KCNMB2: variants seen among roughly 807,000 people sequenced by gnomAD.
KCNMB2 encodes the protein potassium calcium-activated channel subfamily M regulatory beta subunit 2, also known as calcium-activated potassium channel subunit beta-2.
KCNMB2 carries 9 observed loss-of-function variants against 24.5 expected under a neutral mutation model. The observed-to-expected ratio is 0.37, with a 90% CI of 0.22 to 0.64. The LOEUF (loss-of-function observed/expected upper bound fraction) is 0.64. Among genes scored for constraint, KCNMB2 ranks in the 30% least tolerant of loss-of-function variants. The probability of loss-of-function intolerance (pLI) is 0.63; values close to 1 mark genes in which losing one functional copy is unlikely to be tolerated. For missense variants in KCNMB2, 226 were observed against 284.3 expected (o/e 0.79, Z 1.47); for synonymous variants, 109 against 104.4 (o/e 1.04, Z -0.27).
chr3:178,606,327 C>A (rs1478668304), intron 1 of KCNMB2, among the ~76,000 whole-genome samples: 1 of 152,120 alleles, frequency 6.6e-6, no homozygotes, highest in Non-Finnish European at 1.5e-5. Context: ...GCTGTGGGTC[C>A]ATAGAGAGGT....
intron 1 of KCNMB2, among the ~76,000 whole-genome samples, chr3:178,660,727 T>C (rs1352929790): frequency 6.6e-6 from 1 of 152,172 alleles, no homozygotes; most frequent in Non-Finnish European, 1.5e-5. Flanking sequence ...TAAAATGACT[T>C]GCTCAGGGTC....
At chr3:178,616,842 A>G (rs920030102) in intron 1 of KCNMB2, among the ~76,000 whole-genome samples, 1 of 152,162 alleles carries the variant, frequency 6.6e-6, no homozygotes, top group African/African-American at 2.4e-5. Flanking sequence ...GATTCATACC[A>G]AATCATTTGT....
At chr3:178,748,112 A>AT (rs34695713) in intron 1 of KCNMB2, among the ~76,000 whole-genome samples, 18,098 of 152,230 alleles carry the variant, frequency 0.12, 1,167 homozygotes, top group Non-Finnish European at 0.14. Flanking sequence ...TGAACGTTCC[A>AT]TATTTTCTCT....
At chr3:178,540,091 G>A (rs770379771) in intron 1 of KCNMB2, among the ~76,000 whole-genome samples, 7 of 152,020 alleles carry the variant, frequency 4.6e-5, no homozygotes, top group African/African-American at 7.2e-5. Flanking sequence ...ATCAAAGTTC[G>A]GAATTCCACA....
At chr3:178,782,450 C>G (rs1412703611) in intron 1 of KCNMB2, among the ~76,000 whole-genome samples, 3 of 152,052 alleles carry the variant, frequency 2.0e-5, no homozygotes, top group Admixed American at 2.0e-4. Flanking sequence ...TCTCCAGCAC[C>G]TGTTGTTTCC....
chr3:178,625,097 TC>T (rs1318412223), intron 1 of KCNMB2, among the ~76,000 whole-genome samples: 3 of 151,846 alleles, frequency 2.0e-5, no homozygotes, highest in Admixed American at 1.3e-4. Flanking sequence ...AGGGGTTTCC[TC>T]CCTTGCACCC....
intron 1 of KCNMB2, among the ~76,000 whole-genome samples, chr3:178,578,686 T>C (rs973382643): frequency 4.6e-5 from 7 of 152,220 alleles, no homozygotes; most frequent in African/African-American, 1.7e-4. Flanking sequence ...GAGGAATATT[T>C]ACTAACCAAA....
chr3:178,618,439 C>T (rs1236881036), intron 1 of KCNMB2, among the ~76,000 whole-genome samples: 1 of 152,204 alleles, frequency 6.6e-6, no homozygotes, highest in Non-Finnish European at 1.5e-5. Flanking sequence ...TCTCTGTCTT[C>T]ACCCTATTTC....
At chr3:178,817,227 A>ATATATATATATATATACATATAT (rs1408060884) in intron 2 of KCNMB2, among the ~76,000 whole-genome samples, 1 of 148,308 alleles carries the variant, frequency 6.7e-6, no homozygotes, top group Non-Finnish European at 1.5e-5. Context: ...ATATATATAT[A>ATATATATATATATATACATATAT]AATGAAGTGT....
intron 1 of KCNMB2, among the ~76,000 whole-genome samples, chr3:178,547,409 A>G (rs1288578388): frequency 6.6e-6 from 1 of 152,242 alleles, no homozygotes; most frequent in Non-Finnish European, 1.5e-5. Context: ...GATGTCAAAG[A>G]TAACGCTATA....
chr3:178,633,555 G>C (rs560114019), intron 1 of KCNMB2, among the ~76,000 whole-genome samples: 14 of 152,198 alleles, frequency 9.2e-5, no homozygotes, highest in Non-Finnish European at 1.9e-4. Context: ...TGGGATGTGG[G>C]GCACCAAGGC....
At chr3:178,792,980 G>A (rs1713385386) in intron 1 of KCNMB2, among the ~76,000 whole-genome samples, 1 of 152,162 alleles carries the variant, frequency 6.6e-6, no homozygotes, top group Non-Finnish European at 1.5e-5. Context: ...CTTGGAGCCT[G>A]TACTGTCACT....
chr3:178,807,508 C>G, intron 2 of KCNMB2, 43 bp downstream of exon 2: 1 of 1,520,600 alleles, frequency 6.6e-7, no homozygotes, highest in Non-Finnish European at 9.1e-7. Flanking sequence ...AAGCATTTAA[C>G]CTGACTCTCC....
At chr3:178,798,696 G>A (rs1330637254) in intron 1 of KCNMB2, among the ~76,000 whole-genome samples, 1 of 151,990 alleles carries the variant, frequency 6.6e-6, no homozygotes, top group Non-Finnish European at 1.5e-5. Flanking sequence ...GACACAGGGA[G>A]GGGAACTACA....
chr3:178,751,994 C>G (rs1723867532), intron 1 of KCNMB2, among the ~76,000 whole-genome samples: 3 of 152,164 alleles, frequency 2.0e-5, no homozygotes, highest in African/African-American at 7.2e-5. Context: ...AAGTTAACAC[C>G]CCAAATACAG....
At chr3:178,793,417 GAT>G (rs1713400978) in intron 1 of KCNMB2, among the ~76,000 whole-genome samples, 1 of 151,490 alleles carries the variant, frequency 6.6e-6, no homozygotes, top group Non-Finnish European at 1.5e-5. Flanking sequence ...AAAATGATAA[GAT>G]AAAGTTTCTC....
intron 1 of KCNMB2, among the ~76,000 whole-genome samples, chr3:178,683,473 A>G (rs1196019045): frequency 4.6e-5 from 7 of 152,154 alleles, no homozygotes; most frequent in Admixed American, 3.9e-4. Flanking sequence ...CACTGAATCT[A>G]GGATAAAAGT....
chr3:178,604,399 G>A (rs1257003500), intron 1 of KCNMB2, among the ~76,000 whole-genome samples: 2 of 75,520 alleles, frequency 2.6e-5, no homozygotes, highest in Non-Finnish European at 4.7e-5. Flanking sequence ...AATTGAAGTG[G>A]TTTAAAAAAA....
intron 1 of KCNMB2, among the ~76,000 whole-genome samples, chr3:178,560,300 CAAGT>C (rs1259766409): frequency 6.6e-6 from 1 of 151,968 alleles, no homozygotes; most frequent in South Asian, 2.1e-4. Flanking sequence ...GATGAGAACC[CAAGT>C]AATTGACATC....
Sources: gnomAD v4.1 joint callset for allele counts (sites outside exome capture counted in the v4.1 genomes callset) on GRCh38, gnomAD v4.1.1 for gene constraint, MANE v1.5 for transcripts, NCBI Gene and HGNC (gene_info 2026-07-23, HGNC 2026-07-21) for gene names.